Variants in EFCAB14 observed in about 807,000 individuals in gnomAD.
EFCAB14 encodes the protein EF-hand calcium-binding domain-containing protein 14.
In EFCAB14, 43 loss-of-function variants were observed where a neutral mutation model predicts 56.5. The ratio of observed to expected loss-of-function variants is 0.76; its 90% CI spans 0.60 to 0.98. The LOEUF (loss-of-function observed/expected upper bound fraction) is 0.98, where lower values mean the gene tolerates loss of function less well. Ranked by LOEUF, EFCAB14 falls within the 50% of genes least tolerant of loss-of-function variation. EFCAB14 has a pLI of 0.00. For synonymous variants in EFCAB14, 235 were observed against 212.9 expected, an observed-to-expected ratio of 1.10 and a Z score of -0.90; for missense variants, 538 against 580.3, an observed-to-expected ratio of 0.93 and a Z score of 0.75.
Position 46,688,557 on chromosome 1 carries a change from T to C in EFCAB14, c.796-13A>G, listed in dbSNP as rs1357947901. 2.5e-6 allele frequency: 4 copies of C among 1,608,310 alleles called. No homozygotes were observed. The South Asian group carries it at 4.4e-5, about 18-fold the overall frequency. Reference sequence around the variant, plus strand: ...GGTACAGGATATCCTAGAGTGGAAATAAATAAAGTTATGGAATCCACTAAA... The same window carrying C: ...GGTACAGGATATCCTAGAGTGGAAACAAATAAAGTTATGGAATCCACTAAA... On this transcript the variant is annotated splice_polypyrimidine_tract_variant and intron_variant, in intron 6 of 10. Transcript: ENST00000371933.
rs140908900 is a variant in EFCAB14 at position 46,684,517 on chromosome 1, T to C, written c.1160A>G (p.Asn387Ser). ...TTCATCGGCGGTCTCTGGAGGCCTG[T>C]TGCTCTCAGGTTTGTTTGTAAGAGC... ...ISALTNKPES[N>S]RPPETADEEQ... The change falls in exon 9 of 11, where the codon AAC (asparagine) becomes AGC (serine). Residue 387 changes from asparagine (N) to serine (S), a missense_variant. By Grantham distance (46) the Asn-to-Ser change is conservative (BLOSUM62 1). Coordinates refer to ENST00000371933, the MANE Select transcript of EFCAB14 (RefSeq NM_014774.3). The C allele has an allele frequency of 3.7e-6, 6 of 1,613,982 alleles. No individual in the cohort carries two copies. Among genetic ancestry groups the C allele is most frequent in the East Asian group, 2.2e-5 (1 of 44,888 alleles).
chr1:46,714,745 C>A (rs868296827), intron 2 of EFCAB14, among the ~76,000 whole-genome samples: 1 of 149,746 alleles, frequency 6.7e-6, no homozygotes, highest in Non-Finnish European at 1.5e-5. Context: ...AAGGCTGCAA[C>A]GAGCCAGATG....
chr1:46,706,887 T>G (rs1485601891), intron 3 of EFCAB14, among the ~76,000 whole-genome samples: 2 of 152,228 alleles, frequency 1.3e-5, no homozygotes, highest in Non-Finnish European at 2.9e-5. Flanking sequence ...TTATGTCAGT[T>G]ACAAATAGGT....
chr1:46,697,337 G>A (rs1484645364), intron 3 of EFCAB14, among the ~76,000 whole-genome samples: 1 of 152,164 alleles, frequency 6.6e-6, no homozygotes, highest in Non-Finnish European at 1.5e-5. Flanking sequence ...TGAGGCTTCC[G>A]TTCTGCTATT....
intron 4 of EFCAB14, 136 bp from the exon 5 acceptor site, chr1:46,692,073 A>T: frequency 1.7e-6 from 1 of 603,378 alleles, no homozygotes; most frequent in Non-Finnish European, 2.8e-6. Flanking sequence ...TACAATCAAG[A>T]TAATAAACAC....
intron 2 of EFCAB14, among the ~76,000 whole-genome samples, chr1:46,710,939 T>C (rs1293186099): frequency 6.6e-6 from 1 of 152,244 alleles, no homozygotes; most frequent in Admixed American, 6.5e-5. Context: ...AACAACGTCC[T>C]TCAGTTCCAT....
In EFCAB14 at chr1:46,719,058, G is replaced by T; in HGVS notation, c.-971C>A. Reference sequence around the variant, plus strand: ...TGTTGGCGTTGGTGGCGGCGGCTGCGGCGGCGGCGGCCGCGAGCTCCAGCC... The same window carrying T: ...TGTTGGCGTTGGTGGCGGCGGCTGCTGCGGCGGCGGCCGCGAGCTCCAGCC... On this transcript the variant is annotated 5_prime_UTR_variant, in exon 1 of 11. Coordinates refer to ENST00000371933, the MANE Select transcript of EFCAB14 (RefSeq NM_014774.3). The surrounding 1 kb of genome is among the most constrained non-coding windows in gnomAD (Gnocchi z 4.0). The T allele has an allele frequency of 6.3e-6, 1 of 157,858 alleles. No homozygotes were observed. The highest frequency in any genetic ancestry group is 1.4e-5 in the Non-Finnish European group (1 of 72,174). The allele number at this position is 157,858 out of a possible 1,614,324, so 9.8% of individuals were successfully genotyped here.
At chr1:46,688,630 T>C (rs1676928660) in intron 6 of EFCAB14, 86 bp from the exon 7 acceptor site, 3 of 1,123,978 alleles carry the variant, frequency 2.7e-6, no homozygotes, top group East Asian at 2.5e-5. Flanking sequence ...ACCATTACTA[T>C]GTCAAGTACT....
chr1:46,700,986 A>AGTGAGTGAGTGTGTGT (rs145670885), intron 3 of EFCAB14, among the ~76,000 whole-genome samples: 3 of 142,842 alleles, frequency 2.1e-5, no homozygotes, highest in African/African-American at 7.7e-5. Flanking sequence ...AGAGTGAGTG[A>AGTGAGTGAGTGTGTGT]GTGTGTGTGT....
chr1:46,714,612 C>A (rs994641693), intron 2 of EFCAB14, among the ~76,000 whole-genome samples: 1 of 151,760 alleles, frequency 6.6e-6, no homozygotes, highest in African/African-American at 2.4e-5. Flanking sequence ...GGCAACATAG[C>A]AAAACCCTGT....
At chr1:46,692,348 C>T (rs1677006096) in intron 4 of EFCAB14, among the ~76,000 whole-genome samples, 1 of 152,232 alleles carries the variant, frequency 6.6e-6, no homozygotes, top group Non-Finnish European at 1.5e-5. Context: ...ATCTCTCCCC[C>T]TGCTCATGGA....
chr1:46,686,477 C>G (rs1388542251), intron 8 of EFCAB14, among the ~76,000 whole-genome samples: 1 of 152,130 alleles, frequency 6.6e-6, no homozygotes, highest in Non-Finnish European at 1.5e-5. Flanking sequence ...ACTCATGATT[C>G]ATGACCTGTT....
At chr1:46,683,794 G>A (rs963751371) in intron 9 of EFCAB14, among the ~76,000 whole-genome samples, 2 of 152,228 alleles carry the variant, frequency 1.3e-5, no homozygotes, top group Non-Finnish European at 2.9e-5. Context: ...CAGTCTAGGG[G>A]TATGTGCCAC....
At chr1:46,694,192 C>CA (rs1481253392) in intron 4 of EFCAB14, among the ~76,000 whole-genome samples, 2 of 151,506 alleles carry the variant, frequency 1.3e-5, no homozygotes, top group Non-Finnish European at 2.9e-5. Flanking sequence ...TCTAAAACAC[C>CA]AAAAGCAATG....
chr1:46,708,278 A>AT (rs1677261474), intron 2 of EFCAB14, among the ~76,000 whole-genome samples: 1 of 152,260 alleles, frequency 6.6e-6, no homozygotes, highest in Non-Finnish European at 1.5e-5. Flanking sequence ...ACTAAAAATC[A>AT]TAACAGAATG....
chr1:46,718,137 T>C lies in EFCAB14; in HGVS notation c.-50A>G. 11 of 1,581,704 alleles carry C rather than the reference T, an allele frequency of 7.0e-6. No individual in the cohort carries two copies. Among genetic ancestry groups the C allele is most frequent in the Non-Finnish European group, 9.5e-6 (11 of 1,158,372 alleles). ...CCCGACTCCTGAGCTGCCAGGTTCG[T>C]ACCCGATGCCCAATTCTCTTCCTGC... On this transcript the variant is annotated 5_prime_UTR_variant, in exon 1 of 11. Coordinates refer to ENST00000371933, the MANE Select transcript of EFCAB14 (RefSeq NM_014774.3).
intron 9 of EFCAB14, 30 bp from the exon 10 acceptor site, chr1:46,683,455 T>C: frequency 6.2e-7 from 1 of 1,600,038 alleles, no homozygotes; most frequent in Non-Finnish European, 8.5e-7. Context: ...TTTTATTTAG[T>C]ATTATTGAAT....
rs1318500941 is a variant in EFCAB14 at position 46,675,852 on chromosome 1, T to C, written c.*2609A>G. The C allele has an allele frequency of 6.6e-6, 1 of 152,206 alleles. No homozygotes were observed. Among genetic ancestry groups the C allele is most frequent in the Non-Finnish European group, 1.5e-5 (1 of 68,034 alleles). The allele number at this position is 152,206 out of a possible 1,614,324, so 9.4% of individuals were successfully genotyped here. A position where few individuals can be genotyped will look rare whatever the true frequency, so the allele number is the denominator to read the frequency against. Reference sequence around the variant, plus strand: ...TTTTAGTAAACATTATACAAGATAGTACAAGGCAAAAGAAAACAAGGACCA... The same window carrying C: ...TTTTAGTAAACATTATACAAGATAGCACAAGGCAAAAGAAAACAAGGACCA... On this transcript the variant is annotated 3_prime_UTR_variant, in exon 11 of 11. Transcript: ENST00000371933.
chr1:46,703,829 T>G lies in EFCAB14; in HGVS notation c.480+4077A>C, dbSNP rs145994946. The stretch of plus-strand genomic sequence containing the variant: ...GACTCAAATTCCTTGCTGCTCTGCA[T>G]GTGTTGATGAATGACTGCAAAAGTG... On this transcript the variant is annotated intron_variant, in intron 3 of 10. Coordinates refer to ENST00000371933, the MANE Select transcript of EFCAB14 (RefSeq NM_014774.3). 3.5e-3 allele frequency among the ~76,000 whole-genome samples: 529 copies of G among 152,352 alleles called. 1 individual carries two copies. The highest frequency in any genetic ancestry group is 7.0e-3 in the Admixed American group (107 of 15,308).
Sources: gnomAD v4.1 joint callset for allele counts (sites outside exome capture counted in the v4.1 genomes callset) on GRCh38, gnomAD v4.1.1 for gene constraint, Gnocchi (gnomAD v3.1) non-coding constraint, MANE v1.5 for transcripts, NCBI Gene and HGNC (gene_info 2026-07-23, HGNC 2026-07-21) for gene names.